The following PLXNA2 variants were observed in gnomAD, a reference collection of about 807,000 sequenced individuals.
The protein encoded by PLXNA2 is plexin-A2.
PLXNA2 carries 91 observed loss-of-function variants against 193.5 expected under a neutral mutation model. That is an observed-to-expected ratio of 0.47 (90% CI 0.40 to 0.56). The LOEUF (loss-of-function observed/expected upper bound fraction) is 0.56. Ranked by LOEUF, PLXNA2 falls within the 20% of genes least tolerant of loss-of-function variation. The pLI, the probability that PLXNA2 is intolerant of heterozygous loss-of-function variation, is 0.00. For missense variants in PLXNA2, 1,995 were observed against 2,503.2 expected, an observed-to-expected ratio of 0.80 and a Z score of 4.33; for synonymous variants, 997 against 1,027.3, an observed-to-expected ratio of 0.97 and a Z score of 0.56.
At chr1:208,218,168 G>C in intron 1 of PLXNA2, 166 bp from the exon 2 acceptor site, 3 of 616,252 alleles carry the variant, frequency 4.9e-6, no homozygotes, top group Non-Finnish European at 5.6e-6. Flanking sequence ...GGAATGTTCA[G>C]GGAATCCTGT....
chr1:208,233,839 G>C (rs1367570283), intron 1 of PLXNA2, among the ~76,000 whole-genome samples: 2 of 152,232 alleles, frequency 1.3e-5, no homozygotes, highest in Non-Finnish European at 2.9e-5. Context: ...GCCATTGACT[G>C]TGCAAATATC....
rs1664227 is a variant in PLXNA2, at chr1:208,216,741, G to C, written c.1182C>G (p.Thr394=). 543,367 of 1,611,636 alleles carry C rather than the reference G, an allele frequency of 0.34. 92,827 individuals are homozygous for C. The highest frequency in any genetic ancestry group is 0.45 in the East Asian group (20,378 of 44,848). Residue 394 remains threonine, a synonymous_variant, in exon 2 of 32, where the codon ACC becomes ACG. Coordinates refer to ENST00000367033, the MANE Select transcript of PLXNA2 (RefSeq NM_025179.4). ...GAGGTGTGTGCCTCCTTACCGCCTT[G>C]GTGCACTGGACGTCCTTCCCCAGCA... ...NWLLGKDVQC[T]KAPVPIDDNF...
At chr1:208,218,078 TC>T in intron 1 of PLXNA2, 76 bp from the exon 2 acceptor site, 2 of 1,348,762 alleles carry the variant, frequency 1.5e-6, no homozygotes, top group Non-Finnish European at 2.0e-6. Context: ...TGACCCAGGG[TC>T]CCCATCCTGG....
intron 4 of PLXNA2, among the ~76,000 whole-genome samples, chr1:208,140,772 GA>G (rs1238290999): frequency 6.6e-6 from 1 of 152,214 alleles, no homozygotes; most frequent in Non-Finnish European, 1.5e-5. Context: ...CCTTAAAGAA[GA>G]ACAGGATAAA....
chr1:208,240,022 C>T (rs1209782335), intron 1 of PLXNA2, among the ~76,000 whole-genome samples: 1 of 152,202 alleles, frequency 6.6e-6, no homozygotes, highest in East Asian at 1.9e-4. Context: ...AGAGACAGAA[C>T]CAGAGCAGGG....
intron 3 of PLXNA2, among the ~76,000 whole-genome samples, chr1:208,152,207 C>G (rs1046684485): frequency 1.3e-5 from 2 of 152,226 alleles, no homozygotes; most frequent in Non-Finnish European, 2.9e-5. Context: ...GCACCATTAT[C>G]TGACACTGGA....
At chr1:208,030,525 C>T in intron 29 of PLXNA2, 1 of 985,436 alleles carries the variant, frequency 1.0e-6, no homozygotes, top group Non-Finnish European at 1.2e-6. Flanking sequence ...GCCACCCCAG[C>T]CTGTTCGTTT....
At chr1:208,186,874 C>A (rs936242785) in intron 3 of PLXNA2, among the ~76,000 whole-genome samples, 1 of 150,970 alleles carries the variant, frequency 6.6e-6, no homozygotes, top group Admixed American at 6.6e-5. Context: ...CGCCCGCCAC[C>A]GCGCCCGGCT....
At chr1:208,048,074 C>G (rs955625065) in intron 17 of PLXNA2, among the ~76,000 whole-genome samples, 1 of 152,146 alleles carries the variant, frequency 6.6e-6, no homozygotes, top group African/African-American at 2.4e-5. Context: ...TGAGCCTCAC[C>G]CCAACATCTT....
chr1:208,217,203 G>C lies in PLXNA2; in HGVS notation c.720C>G (p.Asp240Glu). 1 of 1,614,198 alleles carries C rather than the reference G, an allele frequency of 6.2e-7. No homozygotes were observed. Among genetic ancestry groups the C allele is most frequent in the Non-Finnish European group, 8.5e-7 (1 of 1,180,046 alleles). ...SDTLALVSHF[D>E]IFYIYGFASG... ...TAGCAAAGCCGTAGATGTAGAAGAT[G>C]TCAAAGTGGGAGACCAGGGCCAGGG... The change falls in exon 2 of 32, where the codon GAC (aspartate) becomes GAG (glutamate). Residue 240 changes from aspartate to glutamate, a missense_variant. Coordinates refer to ENST00000367033, the MANE Select transcript of PLXNA2 (RefSeq NM_025179.4). This position sits in a 1 kb window ranked among gnomAD's most constrained non-coding sequence, Gnocchi z 4.7.
intron 22 of PLXNA2, chr1:208,040,306 C>A: frequency 1.8e-6 from 1 of 551,254 alleles, no homozygotes; most frequent in Non-Finnish European, 3.2e-6. Flanking sequence ...CCCTGATGGT[C>A]CGTGGTGCTC....
chr1:208,098,856 T>C lies in PLXNA2; in HGVS notation c.1721A>G (p.His574Arg). Residue 574 changes from histidine (H) to arginine (R), a missense_variant, in exon 6 of 32, where the codon CAC becomes CGC. By Grantham distance (29) the His-to-Arg change is conservative. This residue lies in a region of PLXNA2 where 702 missense variants were observed against 812.9 expected (regional missense o/e 0.86). Coordinates refer to ENST00000367033, the MANE Select transcript of PLXNA2 (RefSeq NM_025179.4). ...VHPSSISVSE[H>R]SRLLSLVVSD... ...GGATGAGTTACTTACCAACCGGCTG[T>C]GCTCAGATACTGAGATGCTGCTGGG... is the stretch of plus-strand genomic sequence containing the variant. 6.2e-7 allele frequency: 1 copy of C among 1,613,764 alleles called. No homozygotes were observed. Among genetic ancestry groups the C allele is most frequent in the South Asian group, 1.1e-5 (1 of 90,896 alleles).
At chr1:208,136,224 T>C (rs2102474434) in intron 4 of PLXNA2, among the ~76,000 whole-genome samples, 1 of 152,346 alleles carries the variant, frequency 6.6e-6, no homozygotes, top group South Asian at 2.1e-4. Flanking sequence ...CCGTCTTCAG[T>C]GCACCGTATC....
At chr1:208,062,063 AG>A (rs1665637855) in intron 12 of PLXNA2, among the ~76,000 whole-genome samples, 1 of 152,132 alleles carries the variant, frequency 6.6e-6, no homozygotes, top group South Asian at 2.1e-4. Context: ...GGATGGATGA[AG>A]GAAGGAGCAA....
chr1:208,084,027 T>C (rs1295835862), intron 10 of PLXNA2, among the ~76,000 whole-genome samples: 1 of 152,172 alleles, frequency 6.6e-6, no homozygotes, highest in Admixed American at 6.5e-5. Flanking sequence ...TTATTTGACA[T>C]TGCACGCCTG....
chr1:208,116,774 A>G (rs12035884), intron 4 of PLXNA2, among the ~76,000 whole-genome samples: 10,782 of 152,216 alleles, frequency 0.071, 655 homozygotes, highest in East Asian at 0.32. Flanking sequence ...TTCTAAGGTA[A>G]AGTGCAGACT....
At chr1:208,039,820 C>G in intron 23 of PLXNA2, 53 bp from the exon 24 acceptor site, 2 of 1,611,568 alleles carry the variant, frequency 1.2e-6, no homozygotes, top group South Asian at 1.1e-5. Flanking sequence ...CAGGTTTGTA[C>G]GTTTTCCCTT....
At chr1:208,211,763 A>G (rs1670963014) in intron 2 of PLXNA2, among the ~76,000 whole-genome samples, 1 of 152,108 alleles carries the variant, frequency 6.6e-6, no homozygotes, top group Non-Finnish European at 1.5e-5. Flanking sequence ...TTCTGCTACT[A>G]ACTGGTTGTG....
intron 9 of PLXNA2, among the ~76,000 whole-genome samples, chr1:208,090,227 A>G (rs1226479829): frequency 6.6e-6 from 1 of 152,162 alleles, no homozygotes; most frequent in Non-Finnish European, 1.5e-5. Context: ...GCACACGAGC[A>G]TAAGAGAGCA....
Sources: gnomAD v4.1 joint callset for allele counts (sites outside exome capture counted in the v4.1 genomes callset) on GRCh38, gnomAD v4.1.1 for gene constraint, gnomAD v4.1.1 regional missense constraint, Gnocchi (gnomAD v3.1) non-coding constraint, MANE v1.5 for transcripts, NCBI Gene and HGNC (gene_info 2026-07-23, HGNC 2026-07-21) for gene names.